Variants in CNTNAP5 observed in about 807,000 individuals in gnomAD.
CNTNAP5 encodes the protein contactin associated protein family member 5.
Under a neutral mutation model 150.2 loss-of-function variants are expected in CNTNAP5, and 72 were observed. That is an observed-to-expected ratio of 0.48 (90% CI 0.40 to 0.58). The LOEUF (loss-of-function observed/expected upper bound fraction) is 0.58, where lower values mean the gene tolerates loss of function less well. Among genes scored for constraint, CNTNAP5 ranks in the 20% least tolerant of loss-of-function variants. The pLI, the probability that CNTNAP5 is intolerant of heterozygous loss-of-function variation, is 0.00. For missense variants in CNTNAP5, 1,636 were observed against 1,626.2 expected (o/e 1.01, Z -0.10); for synonymous variants, 672 against 619.8 (o/e 1.08, Z -1.25).
At chr2:124,757,531 G>A (rs1003062471) in intron 14 of CNTNAP5, among the ~76,000 whole-genome samples, 1 of 152,152 alleles carries the variant, frequency 6.6e-6, no homozygotes, top group Non-Finnish European at 1.5e-5. Context: ...GTGGTTATAG[G>A]CAAATGCTTT....
At chr2:124,109,604 G>T (rs990719296) in intron 1 of CNTNAP5, among the ~76,000 whole-genome samples, 9 of 152,142 alleles carry the variant, frequency 5.9e-5, no homozygotes, top group African/African-American at 2.2e-4. Flanking sequence ...ACCAGAGACC[G>T]ATTTCCCTGC....
chr2:124,773,804 G>A (rs1384733007), intron 17 of CNTNAP5, among the ~76,000 whole-genome samples: 3 of 150,752 alleles, frequency 2.0e-5, no homozygotes, highest in Non-Finnish European at 4.4e-5. Flanking sequence ...AAGAGAGCAT[G>A]GGGTTTTGGA....
At chr2:124,792,889 T>C (rs1363158990) in intron 18 of CNTNAP5, among the ~76,000 whole-genome samples, 2 of 152,208 alleles carry the variant, frequency 1.3e-5, no homozygotes, top group African/African-American at 2.4e-5. Flanking sequence ...CAAAGAGTGT[T>C]GCGCAGTGTG....
rs2104614283 is a variant in CNTNAP5 at position 124,025,315 on chromosome 2, GATTTGGCTGTCC to G, written c.-334_-323del. On this transcript the variant is annotated 5_prime_UTR_variant, in exon 1 of 24. Coordinates refer to ENST00000682447, the MANE Select transcript of CNTNAP5 (RefSeq NM_001367498.1). ...TCCAGCTCTCGCGCCCGACGAGGTG[GATTTGGCTGTCC>G]ACCGAGCTCCGGCGCCTGTCGTTCT... 1 of 309,046 alleles carries G rather than the reference GATTTGGCTGTCC, an allele frequency of 3.2e-6. No homozygotes were observed. Among genetic ancestry groups the G allele is most frequent in the East Asian group, 6.9e-5 (1 of 14,590 alleles). The allele number at this position is 309,046 out of a possible 1,614,324, so 19.1% of individuals were successfully genotyped here. A position where few individuals can be genotyped will look rare whatever the true frequency, so the allele number is the denominator to read the frequency against.
intron 11 of CNTNAP5, among the ~76,000 whole-genome samples, chr2:124,582,453 A>G (rs767241819): frequency 4.3e-4 from 65 of 152,304 alleles, no homozygotes; most frequent in Middle Eastern, 3.4e-3. Context: ...GCAAACTCAG[A>G]GCCTAGAAGT....
chr2:124,553,503 C>CACAA (rs1695679322), intron 10 of CNTNAP5, among the ~76,000 whole-genome samples: 1 of 119,524 alleles, frequency 8.4e-6, no homozygotes. Context: ...GACTCTGTCT[C>CACAA]AAAAAAAAAA....
chr2:124,278,251 A>T (rs537915155), intron 3 of CNTNAP5, among the ~76,000 whole-genome samples: 42 of 152,324 alleles, frequency 2.8e-4, no homozygotes, highest in African/African-American at 7.9e-4. Flanking sequence ...ATATAAGCAG[A>T]TTCTACTCAT....
At chr2:124,112,407 C>T (rs1273749385) in intron 1 of CNTNAP5, among the ~76,000 whole-genome samples, 1 of 152,110 alleles carries the variant, frequency 6.6e-6, no homozygotes, top group African/African-American at 2.4e-5. Context: ...TTGAAAGGTC[C>T]ATGCTTGCTG....
chr2:124,336,739 A>G lies in CNTNAP5; in HGVS notation c.382-80704A>G, dbSNP rs371323265. On this transcript the variant is annotated intron_variant, in intron 3 of 23. Coordinates refer to ENST00000682447, the MANE Select transcript of CNTNAP5 (RefSeq NM_001367498.1). Reference sequence around the variant, plus strand: ...TTATGGCTGCATAGTATTCCATGGTATATATGTGCCACATTTTCTTAATCC... The same window carrying G: ...TTATGGCTGCATAGTATTCCATGGTGTATATGTGCCACATTTTCTTAATCC... Among the ~76,000 whole-genome samples the G allele has an allele frequency of 3.3e-5, 5 of 151,838 alleles. 1 individual carries two copies. The highest frequency in any genetic ancestry group is 4.2e-4 in the South Asian group (2 of 4,808).
At position 124,084,924 on chromosome 2, in the gene CNTNAP5, G is replaced by GTTTTTTTTTTTTTTTTTTTT; in HGVS notation, c.82+59207_82+59208insTTTTTTTTTTTTTTTTTTTT. On this transcript the variant is annotated intron_variant, in intron 1 of 23. Coordinates refer to ENST00000682447, the MANE Select transcript of CNTNAP5 (RefSeq NM_001367498.1). ...TAAAAATTATGAATTCAAGTTTCCT[G>GTTTTTTTTTTTTTTTTTTTT]TTTTTTTTTTTTTTTGAGACGGAGT... is the stretch of plus-strand genomic sequence containing the variant. Among the ~76,000 whole-genome samples the GTTTTTTTTTTTTTTTTTTTT allele has an allele frequency of 4.0e-4, 36 of 89,992 alleles. 3 individuals carry two copies. The highest frequency in any genetic ancestry group is 1.9e-3 in the East Asian group (5 of 2,678). The allele number at this position is 89,992 out of a possible 152,430, so 59.0% of individuals were successfully genotyped here. A position where few individuals can be genotyped will look rare whatever the true frequency, so the allele number is the denominator to read the frequency against.
chr2:124,534,963 A>T (rs1254984854), intron 10 of CNTNAP5, among the ~76,000 whole-genome samples: 1 of 152,042 alleles, frequency 6.6e-6, no homozygotes, highest in Non-Finnish European at 1.5e-5. Context: ...CAAGACAGTC[A>T]CTCTGGTTCA....
intron 3 of CNTNAP5, among the ~76,000 whole-genome samples, chr2:124,276,692 A>G (rs1687890614): frequency 6.6e-6 from 1 of 152,160 alleles, no homozygotes; most frequent in Admixed American, 6.6e-5. Flanking sequence ...AAATCCTTTA[A>G]CACTATCATT....
chr2:124,322,105 G>A (rs538137001), intron 3 of CNTNAP5, among the ~76,000 whole-genome samples: 3 of 151,736 alleles, frequency 2.0e-5, no homozygotes, highest in Non-Finnish European at 4.4e-5. Context: ...AGCCAAGATT[G>A]CACCACTGCA....
At chr2:124,573,078 G>A (rs768328581) in intron 11 of CNTNAP5, among the ~76,000 whole-genome samples, 2 of 152,116 alleles carry the variant, frequency 1.3e-5, no homozygotes, top group Non-Finnish European at 2.9e-5. Flanking sequence ...CCACAGAACC[G>A]GTGGAGTTTG....
chr2:124,354,137 A>G (rs565797343), intron 3 of CNTNAP5, among the ~76,000 whole-genome samples: 10 of 152,342 alleles, frequency 6.6e-5, no homozygotes, highest in African/African-American at 1.7e-4. Flanking sequence ...AAAACAAAAA[A>G]CATGGATTAA....
intron 7 of CNTNAP5, among the ~76,000 whole-genome samples, chr2:124,498,966 C>T (rs1350985122): frequency 6.6e-6 from 1 of 152,064 alleles, no homozygotes. Context: ...AAAAAAGAAA[C>T]CTAAGCCTCT....
chr2:124,419,153 A>AAAAAAAAAACAAAAC (rs55976013), intron 4 of CNTNAP5, among the ~76,000 whole-genome samples: 30 of 76,402 alleles, frequency 3.9e-4, no homozygotes, highest in African/African-American at 1.4e-3. Context: ...AAAAAAAAAA[A>AAAAAAAAAACAAAAC]AAAAAAAAAA....
intron 3 of CNTNAP5, among the ~76,000 whole-genome samples, chr2:124,266,970 ATT>A (rs70996057): frequency 0.014 from 2,031 of 148,752 alleles, 59 homozygotes; most frequent in African/African-American, 0.048. Flanking sequence ...TAGATGAGAG[ATT>A]TTTTTTTTTT....
intron 14 of CNTNAP5, among the ~76,000 whole-genome samples, chr2:124,748,435 T>G (rs999882956): frequency 3.3e-5 from 5 of 152,144 alleles, no homozygotes; most frequent in Non-Finnish European, 5.9e-5. Flanking sequence ...GAACTGCTAG[T>G]TTTTTACTGT....
Sources: allele counts gnomAD v4.1 joint callset (sites outside exome capture counted in the v4.1 genomes callset), GRCh38; gene constraint gnomAD v4.1.1; transcripts MANE v1.5; gene names NCBI Gene and HGNC (gene_info 2026-07-23, HGNC 2026-07-21).